The following FBXL20 variants were observed in gnomAD, a reference collection of about 807,000 sequenced individuals.
The protein encoded by FBXL20 is F-box and leucine rich repeat protein 20.
Under a neutral mutation model 64.0 loss-of-function variants are expected in FBXL20, and 11 were observed. That is an observed-to-expected ratio of 0.17 (90% CI 0.11 to 0.28). The LOEUF is 0.28. FBXL20 is among the 10% of genes least tolerant of loss of function. The pLI, the probability that FBXL20 is intolerant of heterozygous loss-of-function variation, is 1.00. For missense variants in FBXL20, 303 were observed against 526.2 expected (o/e 0.58, Z 4.15); for synonymous variants, 184 against 189.0 (o/e 0.97, Z 0.22).
intron 1 of FBXL20, among the ~76,000 whole-genome samples, chr17:39,395,946 G>A (rs529651202): frequency 4.0e-5 from 6 of 151,406 alleles, no homozygotes; most frequent in Non-Finnish European, 5.9e-5. Flanking sequence ...AACTCATCCC[G>A]GAGGCATGAG....
At chr17:39,393,605 G>T (rs183901284) in intron 1 of FBXL20, among the ~76,000 whole-genome samples, 3 of 152,110 alleles carry the variant, frequency 2.0e-5, no homozygotes, top group Non-Finnish European at 4.4e-5. Flanking sequence ...GGACAAAAAT[G>T]ATATATAAAT....
intron 1 of FBXL20, among the ~76,000 whole-genome samples, chr17:39,356,258 C>T (rs887590184): frequency 2.0e-5 from 3 of 149,234 alleles, no homozygotes; most frequent in African/African-American, 7.4e-5. Context: ...TTAGCTTATA[C>T]ACTTAAGTCT....
intron 1 of FBXL20, among the ~76,000 whole-genome samples, chr17:39,386,497 G>A (rs184736044): frequency 2.2e-4 from 34 of 151,746 alleles, no homozygotes; most frequent in East Asian, 1.4e-3. Flanking sequence ...GGTAGCGTGC[G>A]CCTGTAATTC....
In FBXL20 at chr17:39,259,730, T is replaced by A. The variant is rs1251091947; in HGVS notation, c.*1730A>T. 6.6e-6 allele frequency: 1 copy of A among 152,144 alleles called. No homozygotes were observed. The allele number at this position is 152,144 out of a possible 1,614,324, so 9.4% of individuals were successfully genotyped here. On this transcript the variant is annotated 3_prime_UTR_variant, in exon 15 of 15. Transcript: ENST00000264658. ...CGGGCATGGTGGCTCATGCCTGTAG[T>A]CCCAGCACTTTGGGAGGCTGAGGCA...
intron 2 of FBXL20, among the ~76,000 whole-genome samples, chr17:39,338,963 T>A (rs1303358842): frequency 1.3e-5 from 2 of 151,984 alleles, no homozygotes; most frequent in Non-Finnish European, 2.9e-5. Flanking sequence ...GGTCAGGAGT[T>A]TGAGCCCAGC....
intron 1 of FBXL20, among the ~76,000 whole-genome samples, chr17:39,352,468 A>G (rs778070973): frequency 6.6e-6 from 1 of 152,016 alleles, no homozygotes; most frequent in Non-Finnish European, 1.5e-5. Flanking sequence ...AGATCACTTG[A>G]GCTCAGGAGT....
intron 1 of FBXL20, among the ~76,000 whole-genome samples, chr17:39,381,560 G>A (rs2144655736): frequency 6.6e-6 from 1 of 151,644 alleles, no homozygotes; most frequent in Non-Finnish European, 1.5e-5. Flanking sequence ...GGAGGCCGAA[G>A]CAGGCAGATA....
chr17:39,279,406 G>A (rs1053495070), intron 9 of FBXL20, among the ~76,000 whole-genome samples: 3 of 151,730 alleles, frequency 2.0e-5, no homozygotes, highest in Non-Finnish European at 2.9e-5. Context: ...GGCTGAGGTG[G>A]AAGGATTGCT....
Position 39,343,203 on chromosome 17 carries a change from T to C in FBXL20, c.81A>G (p.Lys27=), listed in dbSNP as rs942870032. ...SNSDEAVINK[K]LPKELLLRIF... ...ACCGTAACAGGAGTTCTTTGGGAAG[T>C]TTTTTATTGATTACAGCTTCATCAC... Residue 27 remains lysine, a synonymous_variant, in exon 2 of 15, where the codon AAA becomes AAG. Coordinates refer to ENST00000264658, the MANE Select transcript of FBXL20 (RefSeq NM_032875.3). 1.9e-6 allele frequency: 3 copies of C among 1,603,654 alleles called. No homozygotes were observed. Among genetic ancestry groups the C allele is most frequent in the African/African-American group, 2.7e-5 (2 of 74,558 alleles).
chr17:39,270,425 T>C (rs1345104801), intron 11 of FBXL20, among the ~76,000 whole-genome samples: 1 of 152,024 alleles, frequency 6.6e-6, no homozygotes, highest in African/African-American at 2.4e-5. Flanking sequence ...ATGCTTGTAA[T>C]CCCAGCTACT....
intron 6 of FBXL20, among the ~76,000 whole-genome samples, chr17:39,289,212 A>T (rs1249927718): frequency 1.3e-5 from 2 of 152,194 alleles, no homozygotes; most frequent in Non-Finnish European, 2.9e-5. Context: ...TTCACTGTCC[A>T]TCAAAATTGA....
chr17:39,339,346 A>C (rs1189102486), intron 2 of FBXL20, among the ~76,000 whole-genome samples: 1 of 152,042 alleles, frequency 6.6e-6, no homozygotes, highest in East Asian at 1.9e-4. Context: ...CATGTACCTG[A>C]GTCCCAGCTA....
intron 1 of FBXL20, among the ~76,000 whole-genome samples, chr17:39,398,817 G>T (rs1244660788): frequency 6.6e-6 from 1 of 152,028 alleles, no homozygotes; most frequent in Non-Finnish European, 1.5e-5. Flanking sequence ...TGGAATTACA[G>T]GTGCCCACTA....
In FBXL20 at chr17:39,345,210, G is replaced by A. The variant is rs554074899; in HGVS notation, c.43-1969C>T. On this transcript the variant is annotated intron_variant, in intron 1 of 14. Transcript: ENST00000264658. The stretch of plus-strand genomic sequence containing the variant: ...TAGACAATGGGATAAAAAAAGACAC[G>A]ATCTCTATCCTTAAGGAGCTCTTGC... Among the ~76,000 whole-genome samples, 436 of 152,216 alleles carry A rather than the reference G, an allele frequency of 2.9e-3. 2 individuals carry two copies. Among genetic ancestry groups the A allele is most frequent in the Middle Eastern group, 0.024 (7 of 294 alleles).
chr17:39,260,056 C>T lies in FBXL20; in HGVS notation c.*1404G>A, dbSNP rs2046731844. ...CTGACAGGTTATGGGAAGGTTCTGG[C>T]CCTTTGGGGTGCCAACACTAGATAT... On this transcript the variant is annotated 3_prime_UTR_variant, in exon 15 of 15. Transcript: ENST00000264658. The T allele has an allele frequency of 6.6e-6, 1 of 151,158 alleles. No homozygotes were observed. Among genetic ancestry groups the T allele is most frequent in the Non-Finnish European group, 1.5e-5 (1 of 67,928 alleles). 9.4% of individuals were successfully genotyped at this position (151,158 alleles called of 1,614,324 possible). A position where few individuals can be genotyped will look rare whatever the true frequency, so the allele number is the denominator to read the frequency against.
chr17:39,306,592 T>C (rs1263651667), intron 2 of FBXL20, among the ~76,000 whole-genome samples: 1 of 152,244 alleles, frequency 6.6e-6, no homozygotes, highest in African/African-American at 2.4e-5. Context: ...TTCTGAGCTC[T>C]CTATTCTATT....
At chr17:39,332,066 T>C (rs1187083692) in intron 2 of FBXL20, among the ~76,000 whole-genome samples, 1 of 152,232 alleles carries the variant, frequency 6.6e-6, no homozygotes, top group East Asian at 1.9e-4. Context: ...TATGACAGAA[T>C]CCAGGAAGTC....
In FBXL20 at chr17:39,322,974, T is replaced by C. The variant is rs1343839516; in HGVS notation, c.105-19335A>G. 6.9e-5 allele frequency among the ~76,000 whole-genome samples: 10 copies of C among 145,764 alleles called. No homozygotes were observed. In the East Asian group the frequency reaches 2.0e-3, roughly 29 times the overall value. ...CACCAGCCACCACGCCCAGCTAATTTTTTTTTTTTTTTTTGAGACAGAGTC... is the reference window on the plus strand; with the variant it reads ...CACCAGCCACCACGCCCAGCTAATTCTTTTTTTTTTTTTTGAGACAGAGTC... On this transcript the variant is annotated intron_variant, in intron 2 of 14. Transcript: ENST00000264658.
At chr17:39,349,341 A>G (rs1347053690) in intron 1 of FBXL20, among the ~76,000 whole-genome samples, 1 of 149,342 alleles carries the variant, frequency 6.7e-6, no homozygotes, top group Non-Finnish European at 1.5e-5. Flanking sequence ...AAAAAAAAAA[A>G]AAAAAAAAAA....
Sources: gnomAD v4.1 joint callset for allele counts (sites outside exome capture counted in the v4.1 genomes callset) on GRCh38, gnomAD v4.1.1 for gene constraint, MANE v1.5 for transcripts, NCBI Gene and HGNC (gene_info 2026-07-23, HGNC 2026-07-21) for gene names.